The following CDK13 variants were observed in gnomAD, a reference collection of about 807,000 sequenced individuals.
The protein encoded by CDK13 is cyclin-dependent kinase 13.
CDK13 carries 40 observed loss-of-function variants against 137.6 expected under a neutral mutation model. That is an observed-to-expected ratio of 0.29 (90% CI 0.23 to 0.38). The LOEUF (loss-of-function observed/expected upper bound fraction) is 0.38, where lower values mean the gene tolerates loss of function less well. Among genes scored for constraint, CDK13 ranks in the 10% least tolerant of loss-of-function variants. The pLI is 1.00. For synonymous variants in CDK13, 869 were observed against 760.1 expected, an observed-to-expected ratio of 1.14 and a Z score of -2.36; for missense variants, 1,704 against 1,951.8, an observed-to-expected ratio of 0.87 and a Z score of 2.39.
chr7:39,950,538 C>A lies in CDK13; in HGVS notation c.-104C>A. 1 of 1,270,688 alleles carries A rather than the reference C, an allele frequency of 7.9e-7. No individual in the cohort carries two copies. The highest frequency in any genetic ancestry group is 9.9e-7 in the Non-Finnish European group (1 of 1,008,942). 78.7% of individuals were successfully genotyped at this position (1,270,688 alleles called of 1,614,324 possible). On this transcript the variant is annotated 5_prime_UTR_variant, in exon 1 of 14. Coordinates refer to ENST00000181839, the MANE Select transcript of CDK13 (RefSeq NM_003718.5). ...GCTTTTCCCGGCCGGCTCTGGTGCT[C>A]GGTGTCCCTCCGCCGCCGCTCCCGT...
intron 7 of CDK13, among the ~76,000 whole-genome samples, chr7:40,051,235 G>A (rs949053465): frequency 2.6e-5 from 4 of 151,192 alleles, no homozygotes; most frequent in African/African-American, 9.8e-5. Context: ...CTATCATTAT[G>A]GGGTTTATAT....
chr7:40,001,695 T>G (rs1182821094), intron 4 of CDK13, among the ~76,000 whole-genome samples, 166 bp from the exon 5 acceptor site: 2 of 152,188 alleles, frequency 1.3e-5, no homozygotes, highest in Non-Finnish European at 2.9e-5. Context: ...ACAGACTTAA[T>G]TTTTTGAACT....
chr7:40,088,126 T>G lies in CDK13; in HGVS notation c.3030T>G (p.Asp1010Glu), dbSNP rs1786832102. ...AATTTAATTCCTTTTTTTTTTTCAGTCTCCCTTTATGGCAAGATTGTCATG... is the reference window on the plus strand; with the variant it reads ...AATTTAATTCCTTTTTTTTTTTCAGGCTCCCTTTATGGCAAGATTGTCATG... The part of the protein sequence containing the change: ...DVEPSKMPPP[D>E]LPLWQDCHEL... Residue 1010 changes from aspartate (D) to glutamate (E), a missense_variant and splice_region_variant, in exon 12 of 14, where the codon GAT (aspartate) becomes GAG (glutamate). Asp to Glu is a conservative substitution (Grantham distance 45, BLOSUM62 2). This residue lies in a region of CDK13 where 3 missense variants were observed against 22.1 expected (regional missense o/e 0.14). Transcript: ENST00000181839. The G allele has an allele frequency of 6.2e-7, 1 of 1,607,338 alleles. No homozygotes were observed.
At chr7:40,084,251 T>C (rs995025616) in intron 11 of CDK13, among the ~76,000 whole-genome samples, 2 of 151,906 alleles carry the variant, frequency 1.3e-5, no homozygotes, top group Admixed American at 1.3e-4. Flanking sequence ...GAGGCCGAGG[T>C]GGGCAGATCA....
intron 1 of CDK13, among the ~76,000 whole-genome samples, chr7:39,965,420 T>C (rs1489394490): frequency 6.6e-6 from 1 of 152,228 alleles, no homozygotes; most frequent in Admixed American, 6.5e-5. Context: ...GTCTGTTTTA[T>C]CTGAGACTAG....
chr7:40,055,589 T>C (rs1300200434), intron 7 of CDK13, among the ~76,000 whole-genome samples: 2 of 151,456 alleles, frequency 1.3e-5, no homozygotes, highest in Non-Finnish European at 2.9e-5. Context: ...TTTTTTTTTT[T>C]TTTGAGACAG....
intron 1 of CDK13, among the ~76,000 whole-genome samples, chr7:39,979,247 G>A (rs906916421): frequency 4.9e-4 from 59 of 121,344 alleles, no homozygotes; most frequent in Middle Eastern, 0.011. Context: ...CAGAGTTTTC[G>A]CTCTTGTTGC....
At chr7:40,076,882 C>T (rs1786556277) in intron 9 of CDK13, among the ~76,000 whole-genome samples, 1 of 152,154 alleles carries the variant, frequency 6.6e-6, no homozygotes, top group Non-Finnish European at 1.5e-5. Context: ...TTTCTTTTTA[C>T]ATATGCAGAC....
At chr7:40,062,549 G>C (rs775840115) in intron 7 of CDK13, 5 of 290,300 alleles carry the variant, frequency 1.7e-5, no homozygotes, top group Non-Finnish European at 3.3e-5. Flanking sequence ...CAGAGTGCTG[G>C]GATTACAGGC....
chr7:40,047,047 T>C (rs17538062), intron 6 of CDK13, among the ~76,000 whole-genome samples: 89 of 148,532 alleles, frequency 6.0e-4, no homozygotes, highest in Admixed American at 1.0e-3. Context: ...CTAATAATAG[T>C]CTGTAATGCA....
At chr7:40,085,290 G>A (rs1786764408) in intron 11 of CDK13, among the ~76,000 whole-genome samples, 1 of 152,054 alleles carries the variant, frequency 6.6e-6, no homozygotes, top group Non-Finnish European at 1.5e-5. Context: ...GAACCTGGGA[G>A]GCGGAGGTTG....
At chr7:39,975,004 G>A (rs756214481) in intron 1 of CDK13, among the ~76,000 whole-genome samples, 1 of 151,926 alleles carries the variant, frequency 6.6e-6, no homozygotes, top group Non-Finnish European at 1.5e-5. Flanking sequence ...CTGCAGATTC[G>A]TCATAAATGG....
intron 7 of CDK13, among the ~76,000 whole-genome samples, chr7:40,059,800 CTGAA>C (rs563491731): frequency 5.9e-5 from 9 of 152,180 alleles, no homozygotes; most frequent in Non-Finnish European, 1.2e-4. Flanking sequence ...ATGTATCAGT[CTGAA>C]TGTTTGTTTG....
At chr7:40,013,507 A>G (rs1784939919) in intron 5 of CDK13, among the ~76,000 whole-genome samples, 1 of 152,246 alleles carries the variant, frequency 6.6e-6, no homozygotes, top group Non-Finnish European at 1.5e-5. Context: ...AAAGCTAGTC[A>G]CAACAGACTA....
intron 12 of CDK13, among the ~76,000 whole-genome samples, chr7:40,090,198 A>G (rs1786890570): frequency 6.6e-6 from 1 of 152,316 alleles, no homozygotes; most frequent in Admixed American, 6.5e-5. Flanking sequence ...GGTCCTCTTC[A>G]TGGAACTGAT....
intron 5 of CDK13, among the ~76,000 whole-genome samples, chr7:40,011,953 A>T (rs1431340376): frequency 1.3e-5 from 2 of 152,216 alleles, no homozygotes; most frequent in Non-Finnish European, 2.9e-5. Context: ...AGACAACGTG[A>T]TTAAAAAGTG....
At chr7:40,089,151 AAG>A (rs1786858171) in intron 12 of CDK13, among the ~76,000 whole-genome samples, 8 of 147,008 alleles carry the variant, frequency 5.4e-5, no homozygotes, top group Non-Finnish European at 3.0e-5. Context: ...ATGAGAAGGG[AAG>A]GCCAGGCATG....
In CDK13 at chr7:40,046,514, G is replaced by A. The variant is rs550008684; in HGVS notation, c.2543+489G>A. The stretch of plus-strand genomic sequence containing the variant: ...ATAGAAAAGTTAGCCTAGCGTGGTG[G>A]AGCATGCCTGTGATGCCAGCTACAC... On this transcript the variant is annotated intron_variant, in intron 6 of 13. Coordinates refer to ENST00000181839, the MANE Select transcript of CDK13 (RefSeq NM_003718.5). Among the ~76,000 whole-genome samples the A allele has an allele frequency of 1.4e-4, 21 of 151,942 alleles. 2 individuals carry two copies. In the South Asian group the frequency reaches 4.2e-3, roughly 30 times the overall value.
At chr7:40,015,216 A>G (rs527309458) in intron 5 of CDK13, among the ~76,000 whole-genome samples, 1 of 152,300 alleles carries the variant, frequency 6.6e-6, no homozygotes, top group East Asian at 1.9e-4. Flanking sequence ...GCACATCAGG[A>G]GATGACACAT....
Sources: gnomAD v4.1 joint callset for allele counts (sites outside exome capture counted in the v4.1 genomes callset) on GRCh38, gnomAD v4.1.1 for gene constraint, gnomAD v4.1.1 regional missense constraint, MANE v1.5 for transcripts, NCBI Gene and HGNC (gene_info 2026-07-23, HGNC 2026-07-21) for gene names.